Variants in PTPRD observed in about 807,000 individuals in gnomAD.
The protein encoded by PTPRD is protein tyrosine phosphatase receptor type D.
In PTPRD, 34 loss-of-function variants were observed where a neutral mutation model predicts 214.5. The ratio of observed to expected loss-of-function variants is 0.16; its 90% CI spans 0.12 to 0.21. The LOEUF (loss-of-function observed/expected upper bound fraction) is 0.21. PTPRD is among the 10% of genes least tolerant of loss of function. The probability of loss-of-function intolerance (pLI) is 1.00; values close to 1 mark genes in which losing one functional copy is unlikely to be tolerated. For synonymous variants in PTPRD, 1,128 were observed against 845.7 expected, an observed-to-expected ratio of 1.33 and a Z score of -5.79; for missense variants, 2,545 against 2,398.7, an observed-to-expected ratio of 1.06 and a Z score of -1.27.
chr9:9,182,192 G>A (rs971472582), intron 10 of PTPRD, among the ~76,000 whole-genome samples: 3 of 151,890 alleles, frequency 2.0e-5, no homozygotes, highest in African/African-American at 7.3e-5. Context: ...TTTGTTTGTT[G>A]AGTTATCATC....
At position 8,376,766 on chromosome 9, in the gene PTPRD, C is replaced by T. The variant is rs373359928; in HGVS notation, c.4387-40G>A. 3.7e-5 allele frequency: 59 copies of T among 1,608,476 alleles called. No homozygotes were observed. The African/African-American group carries it at 6.2e-4, about 17-fold the overall frequency. On this transcript the variant is annotated intron_variant, in intron 37 of 45. Coordinates refer to ENST00000381196, the MANE Select transcript of PTPRD (RefSeq NM_002839.4). The stretch of plus-strand genomic sequence containing the variant: ...TGACACATTCAGGGCAAATGCTCAT[C>T]AATTTCTCTATTAACTTTGCTTTGA...
At chr9:9,800,921 G>C (rs757896727) in intron 5 of PTPRD, among the ~76,000 whole-genome samples, 1 of 152,094 alleles carries the variant, frequency 6.6e-6, no homozygotes, top group Non-Finnish European at 1.5e-5. Context: ...ATCTCTGAAG[G>C]AGATACACGA....
intron 9 of PTPRD, among the ~76,000 whole-genome samples, chr9:9,298,891 C>G (rs1954156671): frequency 6.6e-6 from 1 of 151,646 alleles, no homozygotes; most frequent in Admixed American, 6.6e-5. Context: ...GTCAGCAATA[C>G]CAGCTTAAAA....
At chr9:9,876,317 A>C (rs143114934) in intron 5 of PTPRD, among the ~76,000 whole-genome samples, 187 of 152,324 alleles carry the variant, frequency 1.2e-3, no homozygotes, top group African/African-American at 4.3e-3. Flanking sequence ...CAATCACTGA[A>C]AAGGTCTTAG....
intron 9 of PTPRD, among the ~76,000 whole-genome samples, chr9:9,241,771 A>T (rs1184377155): frequency 1.3e-5 from 2 of 151,530 alleles, no homozygotes; most frequent in East Asian, 3.9e-4. Flanking sequence ...TGAATACAGC[A>T]CACTGATGGG....
At chr9:10,426,751 A>T (rs1187405540) in intron 2 of PTPRD, among the ~76,000 whole-genome samples, 3 of 152,070 alleles carry the variant, frequency 2.0e-5, no homozygotes, top group Non-Finnish European at 4.4e-5. Flanking sequence ...AGAGGCAGAG[A>T]TGAAAATTAA....
At chr9:9,749,568 C>A (rs2098495149) in intron 6 of PTPRD, among the ~76,000 whole-genome samples, 1 of 152,044 alleles carries the variant, frequency 6.6e-6, no homozygotes, top group African/African-American at 2.4e-5. Context: ...GTCTTAATTC[C>A]TTTCATGACT....
chr9:8,634,203 T>G (rs1354561532), intron 13 of PTPRD, among the ~76,000 whole-genome samples: 6 of 151,610 alleles, frequency 4.0e-5, no homozygotes, highest in African/African-American at 1.5e-4. Context: ...GTGACACTGA[T>G]AATCCTGGGT....
At chr9:9,163,311 C>T (rs974561189) in intron 10 of PTPRD, among the ~76,000 whole-genome samples, 6 of 152,002 alleles carry the variant, frequency 3.9e-5, no homozygotes, top group South Asian at 2.1e-4. Context: ...AAGTCTAACC[C>T]ACTCAAAGAT....
intron 8 of PTPRD, among the ~76,000 whole-genome samples, chr9:9,443,702 G>A (rs1205761213): frequency 6.6e-6 from 1 of 152,112 alleles, no homozygotes; most frequent in African/African-American, 2.4e-5. Context: ...CAGACACATC[G>A]CTGAAGCTAT....
intron 10 of PTPRD, among the ~76,000 whole-genome samples, chr9:9,163,480 A>G (rs1027837889): frequency 2.0e-5 from 3 of 151,180 alleles, no homozygotes; most frequent in Non-Finnish European, 4.4e-5. Flanking sequence ...CTTTCTGGAT[A>G]TTTCTCTTTA....
rs148641259 is a variant in PTPRD, at chr9:8,657,304, A to C, written c.65-20460T>G. On this transcript the variant is annotated intron_variant, in intron 12 of 45. Transcript: ENST00000381196. The stretch of plus-strand genomic sequence containing the variant: ...TGCCTCAGCCTCCTGAGTAGCTGGA[A>C]TTACAGGCACCCACCACCATACCCA... Among the ~76,000 whole-genome samples, 26 of 151,914 alleles carry C rather than the reference A, an allele frequency of 1.7e-4. No homozygotes were observed. The East Asian group carries it at 5.1e-3, about 30-fold the overall frequency.
chr9:9,279,287 G>GTT (rs986609219), intron 9 of PTPRD, among the ~76,000 whole-genome samples: 1 of 148,088 alleles, frequency 6.8e-6, no homozygotes, highest in African/African-American at 2.5e-5. Flanking sequence ...ATACACAGAT[G>GTT]TTATATATAT....
At chr9:9,514,583 T>C (rs1047619587) in intron 8 of PTPRD, among the ~76,000 whole-genome samples, 2 of 152,120 alleles carry the variant, frequency 1.3e-5, no homozygotes, top group Non-Finnish European at 2.9e-5. Context: ...TAAGTCCCAT[T>C]AACTTCCTTA....
intron 2 of PTPRD, among the ~76,000 whole-genome samples, chr9:10,533,554 TAA>T (rs2057006111): frequency 6.6e-6 from 1 of 151,956 alleles, no homozygotes; most frequent in Non-Finnish European, 1.5e-5. Flanking sequence ...AGTAATGTAT[TAA>T]AGAGTATGAA....
chr9:9,060,940 A>T (rs1244570881), intron 10 of PTPRD, among the ~76,000 whole-genome samples: 2 of 152,244 alleles, frequency 1.3e-5, no homozygotes, highest in African/African-American at 2.4e-5. Flanking sequence ...AATGACTGAC[A>T]GCTACTTGCA....
intron 4 of PTPRD, among the ~76,000 whole-genome samples, chr9:10,000,619 A>C (rs2096283428): frequency 6.6e-6 from 1 of 152,212 alleles, no homozygotes; most frequent in Admixed American, 6.5e-5. Context: ...AGGCAGATAT[A>C]GAGGGTAAAA....
At chr9:9,273,169 A>T (rs1033002138) in intron 9 of PTPRD, among the ~76,000 whole-genome samples, 32 of 151,328 alleles carry the variant, frequency 2.1e-4, no homozygotes, top group Non-Finnish European at 4.4e-4. Flanking sequence ...TAGAAATATT[A>T]TTATGTCAAT....
chr9:9,106,933 A>G, intron 10 of PTPRD, among the ~76,000 whole-genome samples: 1 of 152,186 alleles, frequency 6.6e-6, no homozygotes, highest in East Asian at 1.9e-4. Flanking sequence ...ATGGGAGATC[A>G]GTTGGCCTAA....
Sources: gnomAD v4.1 joint callset for allele counts (sites outside exome capture counted in the v4.1 genomes callset) on GRCh38, gnomAD v4.1.1 for gene constraint, MANE v1.5 for transcripts, NCBI Gene and HGNC (gene_info 2026-07-23, HGNC 2026-07-21) for gene names.